USP34: variants seen among roughly 807,000 people sequenced by gnomAD.
The protein encoded by USP34 is ubiquitin specific peptidase 34.
USP34 carries 70 observed loss-of-function variants against 460.3 expected under a neutral mutation model. The ratio of observed to expected loss-of-function variants is 0.15; its 90% confidence interval spans 0.13 to 0.19. USP34 has a LOEUF of 0.19. USP34 is among the 10% of genes least tolerant of loss of function. USP34 has a pLI of 1.00. For missense variants in USP34, 3,985 were observed against 4,236.2 expected (o/e 0.94, Z 1.65); for synonymous variants, 1,647 against 1,405.3 (o/e 1.17, Z -3.85).
In USP34 at chr2:61,373,963, C is replaced by T. The variant is rs1052471950; in HGVS notation, c.1077-3384G>A. On this transcript the variant is annotated intron_variant, in intron 8 of 79. Coordinates refer to ENST00000398571, the MANE Select transcript of USP34 (RefSeq NM_014709.4). ...TGAGGTCAGGAGCTTAAGACCAGCC[C>T]GACCAACATGGTGAAACCCTGTCTC... 4.6e-5 allele frequency among the ~76,000 whole-genome samples: 7 copies of T among 151,990 alleles called. No individual in the cohort carries two copies. The East Asian group carries it at 5.8e-4, about 13-fold the overall frequency.
chr2:61,355,189 G>C (rs528173073), intron 10 of USP34, among the ~76,000 whole-genome samples: 1 of 152,136 alleles, frequency 6.6e-6, no homozygotes, highest in Non-Finnish European at 1.5e-5. Context: ...TTTGGTCTTT[G>C]AGTAGGGTAC....
At chr2:61,415,739 C>T (rs77116787) in intron 2 of USP34, among the ~76,000 whole-genome samples, 3,626 of 152,252 alleles carry the variant, frequency 0.024, 64 homozygotes, top group Non-Finnish European at 0.037. Context: ...TGTTGGTACA[C>T]CAATATCATA....
chr2:61,382,315 T>C (rs144876837), intron 6 of USP34, among the ~76,000 whole-genome samples: 39 of 152,306 alleles, frequency 2.6e-4, no homozygotes, highest in African/African-American at 9.1e-4. Context: ...CCTGCTTATC[T>C]CTCCACCTTC....
intron 21 of USP34, among the ~76,000 whole-genome samples, chr2:61,324,600 C>T (rs912853362): frequency 3.9e-5 from 6 of 152,040 alleles, no homozygotes; most frequent in African/African-American, 1.4e-4. Flanking sequence ...CAGTGAAACC[C>T]TATCTCTATG....
In USP34 at chr2:61,245,215, T is replaced by C; in HGVS notation, c.6622A>G (p.Met2208Val). ...AATTTCTGAATAAAACTTACCGTCATCTCTCCACCAAAACATTCAGATGCA... is the reference window on the plus strand; with the variant it reads ...AATTTCTGAATAAAACTTACCGTCACCTCTCCACCAAAACATTCAGATGCA... ...QLASECFGGE[M>V]TTKTYDSVTD... The change falls in exon 51 of 80, where the codon ATG (methionine) becomes GTG (valine). Residue 2208 changes from methionine to valine, a missense_variant. This residue lies in a region of USP34 where 11 missense variants were observed against 37.7 expected (regional missense o/e 0.29). Coordinates refer to ENST00000398571, the MANE Select transcript of USP34 (RefSeq NM_014709.4). 6.2e-7 allele frequency: 1 copy of C among 1,609,900 alleles called. No homozygotes were observed. Among genetic ancestry groups the C allele is most frequent in the Non-Finnish European group, 8.5e-7 (1 of 1,177,688 alleles).
At chr2:61,338,307 C>A (rs911616568) in intron 18 of USP34, among the ~76,000 whole-genome samples, 2 of 152,108 alleles carry the variant, frequency 1.3e-5, no homozygotes, top group Non-Finnish European at 2.9e-5. Flanking sequence ...GGCGATGGAG[C>A]AAGACTCCAT....
intron 42 of USP34, 45 bp downstream of exon 42, chr2:61,265,939 T>C: frequency 6.7e-7 from 1 of 1,486,848 alleles, no homozygotes; most frequent in East Asian, 2.3e-5. Context: ...ATCTTATTTC[T>C]GAATTCAAAA....
chr2:61,360,120 T>G (rs1444726286), intron 10 of USP34, among the ~76,000 whole-genome samples: 2 of 151,834 alleles, frequency 1.3e-5, no homozygotes, highest in East Asian at 3.9e-4. Context: ...AAGGAAAAAC[T>G]GAAAGCTTTT....
rs1691781274 is a variant in USP34, at chr2:61,346,761, G to A, written c.2285+1109C>T. Reference sequence around the variant, plus strand: ...GCAGAAGAATCGCTTGAACCTGGGAGACGGAGGTTGCAGTGAGCCAAGATT... The same window carrying A: ...GCAGAAGAATCGCTTGAACCTGGGAAACGGAGGTTGCAGTGAGCCAAGATT... On this transcript the variant is annotated intron_variant, in intron 15 of 79. Transcript: ENST00000398571. Among the ~76,000 whole-genome samples the A allele has an allele frequency of 1.4e-5, 2 of 146,022 alleles. 1 individual carries two copies. Among genetic ancestry groups the A allele is most frequent in the African/African-American group, 5.1e-5 (2 of 38,956 alleles).
intron 76 of USP34, 42 bp downstream of exon 76, chr2:61,192,859 G>A: frequency 2.6e-6 from 4 of 1,535,572 alleles, no homozygotes; most frequent in Middle Eastern, 1.7e-4. Flanking sequence ...CACTTGGTCA[G>A]ATAAGATTAA....
chr2:61,417,887 G>A (rs1204905929), intron 2 of USP34, among the ~76,000 whole-genome samples: 2 of 144,086 alleles, frequency 1.4e-5, no homozygotes, highest in Non-Finnish European at 3.0e-5. Flanking sequence ...GGTTACACAT[G>A]AGCACCCCAC....
At chr2:61,349,535 T>C (rs549605723) in intron 12 of USP34, among the ~76,000 whole-genome samples, 2 of 152,090 alleles carry the variant, frequency 1.3e-5, no homozygotes, top group Admixed American at 6.5e-5. Flanking sequence ...TTGAAAGCTA[T>C]GTATGTTAAA....
chr2:61,432,160 C>T (rs376622756), intron 1 of USP34, among the ~76,000 whole-genome samples: 1 of 148,664 alleles, frequency 6.7e-6, no homozygotes, highest in Admixed American at 6.7e-5. Flanking sequence ...GCAACTTAGA[C>T]AGAACCCACC....
chr2:61,310,867 A>C (rs983278892), intron 27 of USP34, among the ~76,000 whole-genome samples: 2 of 152,200 alleles, frequency 1.3e-5, no homozygotes, highest in Admixed American at 6.5e-5. Context: ...AAGTTATCAA[A>C]AATTCCCAAA....
chr2:61,275,688 G>A (rs1689353282), intron 41 of USP34, among the ~76,000 whole-genome samples: 1 of 151,572 alleles, frequency 6.6e-6, no homozygotes, highest in South Asian at 2.1e-4. Flanking sequence ...AAAAAGCAAA[G>A]TATAGAACAC....
chr2:61,262,591 G>A (rs1414588015), intron 43 of USP34, among the ~76,000 whole-genome samples: 3 of 152,088 alleles, frequency 2.0e-5, no homozygotes, highest in Non-Finnish European at 4.4e-5. Context: ...CACTGTTGAT[G>A]GGCATGTAGG....
chr2:61,435,770 T>A (rs1385934687), intron 1 of USP34, among the ~76,000 whole-genome samples: 1 of 152,096 alleles, frequency 6.6e-6, no homozygotes, highest in African/African-American at 2.4e-5. Context: ...GGCTCATGCC[T>A]GTAATCCCAG....
rs560328882 is a variant in USP34, at chr2:61,322,632, G to A, written c.3013+2743C>T. ...GAAATTTCTTTTATTGGGAAAAGTAGATGAAATGACAAAATACAGAAAAAT... is the reference window on the plus strand; with the variant it reads ...GAAATTTCTTTTATTGGGAAAAGTAAATGAAATGACAAAATACAGAAAAAT... On this transcript the variant is annotated intron_variant, in intron 21 of 79. Transcript: ENST00000398571. 4.6e-5 allele frequency among the ~76,000 whole-genome samples: 7 copies of A among 152,298 alleles called. No individual in the cohort carries two copies. The South Asian group carries it at 1.5e-3, about 32-fold the overall frequency.
intron 10 of USP34, among the ~76,000 whole-genome samples, chr2:61,367,310 GCACA>G (rs1170647479): frequency 6.6e-6 from 1 of 150,840 alleles, no homozygotes; most frequent in Non-Finnish European, 1.5e-5. Flanking sequence ...GAGTGCGCGC[GCACA>G]CACACACGCG....
Sources: gnomAD v4.1 joint callset for allele counts (sites outside exome capture counted in the v4.1 genomes callset) on GRCh38, gnomAD v4.1.1 for gene constraint, gnomAD v4.1.1 regional missense constraint, MANE v1.5 for transcripts, NCBI Gene and HGNC (gene_info 2026-07-23, HGNC 2026-07-21) for gene names.